The following C10orf90 variants were observed in gnomAD, a reference collection of about 807,000 sequenced individuals.
The protein encoded by C10orf90 is (E2-independent) E3 ubiquitin-conjugating enzyme FATS.
Under a neutral mutation model 62.5 loss-of-function variants are expected in C10orf90, and 56 were observed. The observed-to-expected ratio is 0.90, with a 90% CI of 0.72 to 1.12. The LOEUF is 1.12. C10orf90 is among the 50% of genes most tolerant of loss of function. The pLI is 0.00. For synonymous variants in C10orf90, 386 were observed against 340.4 expected, an observed-to-expected ratio of 1.13 and a Z score of -1.47; for missense variants, 970 against 880.4, an observed-to-expected ratio of 1.10 and a Z score of -1.29.
intron 2 of C10orf90, among the ~76,000 whole-genome samples, chr10:126,616,699 A>G (rs918924871): frequency 7.2e-5 from 11 of 152,148 alleles, no homozygotes; most frequent in Admixed American, 4.6e-4. Context: ...GGTCTATACA[A>G]TCCATCTCCT....
At chr10:126,440,293 A>G (rs575927022) in intron 7 of C10orf90, among the ~76,000 whole-genome samples, 1 of 152,214 alleles carries the variant, frequency 6.6e-6, no homozygotes, top group South Asian at 2.1e-4. Flanking sequence ...GACAACCTGC[A>G]TGACTCAGCA....
intron 2 of C10orf90, among the ~76,000 whole-genome samples, chr10:126,549,654 C>T (rs1864582266): frequency 6.6e-6 from 1 of 151,686 alleles, no homozygotes; most frequent in Non-Finnish European, 1.5e-5. Context: ...TCAACAGTTT[C>T]ACTCATGGAC....
In C10orf90 at chr10:126,504,941, A is replaced by G; in HGVS notation, c.550T>C (p.Ser184Pro). 1 of 1,614,190 alleles carries G rather than the reference A, an allele frequency of 6.2e-7. No homozygotes were observed. ...AQSRAHHAKQ[S>P]LANRSGVNIH... ...TTGACTCCGCTGCGGTTAGCCAGAG[A>G]TTGCTTGGCGTGATGTGCACGAGAC... Residue 184 changes from serine (S) to proline (P), a missense_variant, in exon 4 of 10, where the codon TCT (serine) becomes CCT (proline). Ser to Pro is a moderately conservative substitution (Grantham distance 74). Transcript: ENST00000488181. The surrounding 1 kb of genome is among the most constrained non-coding windows in gnomAD (Gnocchi z 4.1).
chr10:126,508,037 G>GA (rs57510499), intron 3 of C10orf90, among the ~76,000 whole-genome samples: 3,568 of 133,552 alleles, frequency 0.027, 146 homozygotes, highest in African/African-American at 0.088. Context: ...GCTCTTTGAA[G>GA]AAAAAAAAAA....
At chr10:126,643,854 C>T (rs4962584) in intron 2 of C10orf90, among the ~76,000 whole-genome samples, 56,059 of 152,106 alleles carry the variant, frequency 0.37, 10,645 homozygotes, top group East Asian at 0.49. Flanking sequence ...CATGGAAACA[C>T]GGGCTCTAGT....
At chr10:126,582,504 G>A (rs1446907039) in intron 2 of C10orf90, among the ~76,000 whole-genome samples, 2 of 152,194 alleles carry the variant, frequency 1.3e-5, no homozygotes, top group Non-Finnish European at 2.9e-5. Flanking sequence ...CGTTCACTGT[G>A]AAAATGTCGG....
chr10:126,611,337 T>C (rs1039871356), intron 2 of C10orf90, among the ~76,000 whole-genome samples: 1 of 152,250 alleles, frequency 6.6e-6, no homozygotes, highest in African/African-American at 2.4e-5. Flanking sequence ...ACTTCATTCC[T>C]TTTTATTGCC....
At chr10:126,611,851 T>C (rs1313976693) in intron 2 of C10orf90, among the ~76,000 whole-genome samples, 2 of 152,198 alleles carry the variant, frequency 1.3e-5, no homozygotes, top group Non-Finnish European at 2.9e-5. Context: ...TCCCAAGTGG[T>C]GCATAGAGAG....
At chr10:126,564,182 C>T (rs1044152095) in intron 2 of C10orf90, among the ~76,000 whole-genome samples, 6 of 151,968 alleles carry the variant, frequency 3.9e-5, no homozygotes, top group Admixed American at 2.6e-4. Context: ...GGAAGAAATC[C>T]GGAGAAGCAT....
chr10:126,506,749 GC>G (rs1564842486), intron 3 of C10orf90, among the ~76,000 whole-genome samples: 1 of 152,182 alleles, frequency 6.6e-6, no homozygotes, highest in Non-Finnish European at 1.5e-5. Flanking sequence ...GAGAGGAAGG[GC>G]CTATGTGTGT....
chr10:126,462,071 G>C (rs1007536404), intron 5 of C10orf90, among the ~76,000 whole-genome samples: 2 of 152,104 alleles, frequency 1.3e-5, no homozygotes, highest in Non-Finnish European at 2.9e-5. Flanking sequence ...GGATGACTTC[G>C]CTTTCAAGGC....
At chr10:126,490,022 A>ATGT (rs370127784) in intron 4 of C10orf90, among the ~76,000 whole-genome samples, 2 of 49,448 alleles carry the variant, frequency 4.0e-5, no homozygotes, top group South Asian at 9.2e-4. Flanking sequence ...ATTATATATA[A>ATGT]TATATAATAT....
At chr10:126,582,104 T>C (rs1844764863) in intron 2 of C10orf90, among the ~76,000 whole-genome samples, 2 of 152,184 alleles carry the variant, frequency 1.3e-5, no homozygotes, top group Non-Finnish European at 2.9e-5. Flanking sequence ...GCAGCTGCTG[T>C]GGGACTTGTT....
intron 7 of C10orf90, among the ~76,000 whole-genome samples, chr10:126,455,561 A>T (rs1859497503): frequency 6.6e-6 from 1 of 152,204 alleles, no homozygotes; most frequent in Non-Finnish European, 1.5e-5. Flanking sequence ...ATGGACAAAG[A>T]AGTTCCTTCT....
chr10:126,506,183 T>G (rs903980122), intron 3 of C10orf90, among the ~76,000 whole-genome samples: 1 of 152,188 alleles, frequency 6.6e-6, no homozygotes, highest in Non-Finnish European at 1.5e-5. Flanking sequence ...AGCAGATTGT[T>G]TGTCCTAACA....
chr10:126,524,466 G>A (rs1338963819), intron 2 of C10orf90: 4 of 247,758 alleles, frequency 1.6e-5, no homozygotes, highest in African/African-American at 9.3e-5. Flanking sequence ...TGGGTAGCGG[G>A]GACAGGAATC....
rs183613768 is a variant in C10orf90 at position 126,497,628 on chromosome 10, C to A, written c.1534+6329G>T. On this transcript the variant is annotated intron_variant, in intron 4 of 9. Coordinates refer to ENST00000488181, the MANE Select transcript of C10orf90 (RefSeq NM_001350921.2). ...ATGGAAAAAACAGAGACCTCGCAGG[C>A]AAGTGACCTGCCCAAAGTCACCCAG... Among the ~76,000 whole-genome samples the A allele has an allele frequency of 6.4e-4, 97 of 152,314 alleles. 4 individuals carry two copies. The South Asian group carries it at 0.019, about 30-fold the overall frequency.
intron 2 of C10orf90, among the ~76,000 whole-genome samples, chr10:126,515,374 C>T (rs367557163): frequency 3.9e-5 from 6 of 152,206 alleles, no homozygotes; most frequent in Admixed American, 2.6e-4. Context: ...GCTCCATTCA[C>T]GGGAATTGTC....
At chr10:126,589,384 T>C (rs189203579) in intron 2 of C10orf90, among the ~76,000 whole-genome samples, 33 of 151,988 alleles carry the variant, frequency 2.2e-4, no homozygotes, top group Admixed American at 1.4e-3. Flanking sequence ...CATGAGAAGA[T>C]CAACCCCAAG....
Sources: gnomAD v4.1 joint callset for allele counts (sites outside exome capture counted in the v4.1 genomes callset) on GRCh38, gnomAD v4.1.1 for gene constraint, Gnocchi (gnomAD v3.1) non-coding constraint, MANE v1.5 for transcripts, NCBI Gene and HGNC (gene_info 2026-07-23, HGNC 2026-07-21) for gene names.